DNAH2: variants seen among roughly 807,000 people sequenced by gnomAD.
DNAH2 encodes the protein dynein axonemal heavy chain 2.
DNAH2 carries 323 observed loss-of-function variants against 523.5 expected under a neutral mutation model. The observed-to-expected ratio is 0.62, with a 90% confidence interval of 0.56 to 0.68. The LOEUF (loss-of-function observed/expected upper bound fraction) is 0.68. Ranked by LOEUF, DNAH2 falls within the 30% of genes least tolerant of loss-of-function variation. The pLI is 0.00. For missense variants in DNAH2, 4,907 were observed against 5,701.5 expected (o/e 0.86, Z 4.49); for synonymous variants, 2,093 against 2,177.4 (o/e 0.96, Z 1.08).
rs767345556 is a variant in DNAH2, at chr17:7,833,388, C to A, written c.13139C>A (p.Ser4380Tyr). The A allele has an allele frequency of 6.2e-7, 1 of 1,614,118 alleles. No homozygotes were observed. Among genetic ancestry groups the A allele is most frequent in the Non-Finnish European group, 8.5e-7 (1 of 1,180,026 alleles). ...SRKKSAKGMY[S>Y]CPCYYYPNRA... ...CTCTCCTTTCCCCCAGGCATGTACT[C>A]CTGCCCCTGCTATTACTATCCCAAC... Residue 4380 changes from serine to tyrosine, a missense_variant, in exon 86 of 86, where the codon TCC becomes TAC. Around this residue, in one of 3 missense-constraint regions of DNAH2, gnomAD observed 1,851 missense variants for 2,139.4 expected, o/e 0.87. Transcript: ENST00000572933.
intron 70 of DNAH2, 45 bp downstream of exon 70, chr17:7,818,821 C>T: frequency 1.2e-6 from 2 of 1,612,160 alleles, no homozygotes; most frequent in Non-Finnish European, 8.5e-7. Context: ...GGTCTACTCC[C>T]AGCCAGCCTC....
At chr17:7,790,880 G>C (rs1470993406) in intron 44 of DNAH2, among the ~76,000 whole-genome samples, 1 of 151,766 alleles carries the variant, frequency 6.6e-6, no homozygotes, top group African/African-American at 2.4e-5. Flanking sequence ...CTTTGTTGTT[G>C]TTGTTGTTGT....
At chr17:7,750,626 G>A (rs1028449078) in intron 12 of DNAH2, among the ~76,000 whole-genome samples, 1 of 152,044 alleles carries the variant, frequency 6.6e-6, no homozygotes, top group Admixed American at 6.6e-5. Flanking sequence ...CTTTGGCTTT[G>A]GCCTCTCTCT....
At chr17:7,774,542 CAT>C in intron 28 of DNAH2, among the ~76,000 whole-genome samples, 1 of 152,256 alleles carries the variant, frequency 6.6e-6, no homozygotes, top group African/African-American at 2.4e-5. Flanking sequence ...TAAACGGTAA[CAT>C]GTACAATAGT....
In DNAH2 at chr17:7,818,077, C is replaced by A. The variant is rs749082899; in HGVS notation, c.10368C>A (p.Asn3456Lys). 2 of 1,612,496 alleles carry A rather than the reference C, an allele frequency of 1.2e-6. No individual in the cohort carries two copies. Among genetic ancestry groups the A allele is most frequent in the East Asian group, 2.2e-5 (1 of 44,904 alleles). ...YLDPTLNPML[N>K]KSVARIGGRL... ...ACCCCACACTGAACCCCATGCTCAACAAATCTGTAGCCCGAATCGGTCAGG... is the reference window on the plus strand; with the variant it reads ...ACCCCACACTGAACCCCATGCTCAAAAAATCTGTAGCCCGAATCGGTCAGG... The change falls in exon 68 of 86, where the codon AAC (asparagine) becomes AAA (lysine). Residue 3456 changes from asparagine (N) to lysine (K), a missense_variant. Asn to Lys is a moderately conservative substitution (Grantham distance 94, BLOSUM62 0). Coordinates refer to ENST00000572933, the MANE Select transcript of DNAH2 (RefSeq NM_020877.5).
In DNAH2 at chr17:7,734,581, G is replaced by A. The variant is rs1048460224; in HGVS notation, c.851G>A (p.Arg284Gln). The A allele has an allele frequency of 2.5e-6, 4 of 1,613,630 alleles. No homozygotes were observed. Among genetic ancestry groups the A allele is most frequent in the African/African-American group, 1.3e-5 (1 of 74,790 alleles). Residue 284 changes from arginine to glutamine, a missense_variant, in exon 7 of 86, where the codon CGA becomes CAA. By Grantham distance (43) the Arg-to-Gln change is conservative. Coordinates refer to ENST00000572933, the MANE Select transcript of DNAH2 (RefSeq NM_020877.5). ...GAGGAGATTGAGTTCTGGCGCAACC[G>A]ATGCATGGACCTGTCTGGCATCAGT... ...PLEEIEFWRN[R>Q]CMDLSGISKQ...
rs909197200 is a variant in DNAH2 at position 7,760,829 on chromosome 17, T to C, written c.2875T>C (p.Trp959Arg). The C allele has an allele frequency of 6.2e-7, 1 of 1,614,080 alleles. No homozygotes were observed. The highest frequency in any genetic ancestry group is 1.3e-5 in the African/African-American group (1 of 74,914). ...ASLLQNYLKT[W>R]DMYREIWEIN... Reference sequence around the variant, plus strand: ...CCTGCTGCAGAACTACCTCAAGACCTGGGACATGTACCGGGAGATCTGGGA... The same window carrying C: ...CCTGCTGCAGAACTACCTCAAGACCCGGGACATGTACCGGGAGATCTGGGA... Residue 959 changes from tryptophan to arginine, a missense_variant, in exon 18 of 86, where the codon TGG (tryptophan) becomes CGG (arginine). Trp to Arg is a moderately radical substitution (Grantham distance 101). This residue lies in a region of DNAH2 where 2,806 missense variants were observed against 3,190.8 expected (regional missense o/e 0.88). Coordinates refer to ENST00000572933, the MANE Select transcript of DNAH2 (RefSeq NM_020877.5). The surrounding 1 kb of genome is among the most constrained non-coding windows in gnomAD (Gnocchi z 4.0).
At chr17:7,734,015 C>T (rs145229323) in intron 5 of DNAH2, among the ~76,000 whole-genome samples, 168 bp from the exon 6 acceptor site, 1 of 152,242 alleles carries the variant, frequency 6.6e-6, no homozygotes, top group East Asian at 1.9e-4. Context: ...TTCCCTCTTG[C>T]CTTTGGTCAT....
chr17:7,786,980 G>A lies in DNAH2; in HGVS notation c.6550G>A (p.Asp2184Asn), dbSNP rs2076756019. ...CGAGAACATGAACTCCGTCATGGAC[G>A]ATAACAAGGTGTTGACCCTCATCAA... ...WIENMNSVMD[D>N]NKVLTLINGE... The change falls in exon 42 of 86, where the codon GAT (aspartate) becomes AAT (asparagine). Residue 2184 changes from aspartate (D) to asparagine (N), a missense_variant. Coordinates refer to ENST00000572933, the MANE Select transcript of DNAH2 (RefSeq NM_020877.5). This position sits in a 1 kb window ranked among gnomAD's most constrained non-coding sequence, Gnocchi z 7.5. The A allele has an allele frequency of 1.2e-6, 2 of 1,614,258 alleles. No homozygotes were observed. Among genetic ancestry groups the A allele is most frequent in the Non-Finnish European group, 1.7e-6 (2 of 1,180,058 alleles).
chr17:7,763,686 A>G, intron 18 of DNAH2, 145 bp from the exon 19 acceptor site: 1 of 881,868 alleles, frequency 1.1e-6, no homozygotes, highest in Non-Finnish European at 1.8e-6. Flanking sequence ...GCAGATTGGA[A>G]TGAGGGATGC....
At chr17:7,730,318 G>A (rs2074947558) in intron 4 of DNAH2, among the ~76,000 whole-genome samples, 1 of 152,176 alleles carries the variant, frequency 6.6e-6, no homozygotes, top group Non-Finnish European at 1.5e-5. Flanking sequence ...GGTAATCACC[G>A]TGTATGCAGA....
rs2077070662 is a variant in DNAH2 at position 7,796,636 on chromosome 17, T to C, written c.7847T>C (p.Leu2616Pro). The change falls in exon 50 of 86, where the codon CTT becomes CCT. Residue 2616 changes from leucine (L) to proline (P), a missense_variant. Around this residue, in one of 3 missense-constraint regions of DNAH2, gnomAD observed 250 missense variants for 371.3 expected, o/e 0.67. Coordinates refer to ENST00000572933, the MANE Select transcript of DNAH2 (RefSeq NM_020877.5). ...ACCAAGATGCATTACCTCTTCAACC[T>C]TCGAGACATCTCCAAGGTGACTCGC... ...TPTKMHYLFN[L>P]RDISKVFQGM... The C allele has an allele frequency of 6.2e-7, 1 of 1,611,906 alleles. No individual in the cohort carries two copies. Among genetic ancestry groups the C allele is most frequent in the Non-Finnish European group, 8.5e-7 (1 of 1,179,448 alleles).
Position 7,770,366 on chromosome 17 carries a change from G to C in DNAH2, c.4056G>C (p.Gly1352=), listed in dbSNP as rs1307233260. Residue 1352 remains glycine, a synonymous_variant, in exon 25 of 86, where the codon GGG becomes GGC. Coordinates refer to ENST00000572933, the MANE Select transcript of DNAH2 (RefSeq NM_020877.5). ...LGMDQHVEKI[G]EISASATKEL... is the part of the protein sequence containing the mutation. Reference sequence around the variant, plus strand: ...TGGATCAGCATGTGGAGAAAATTGGGGAGATCTCTGCTTCAGCAACTAAAG... The same window carrying C: ...TGGATCAGCATGTGGAGAAAATTGGCGAGATCTCTGCTTCAGCAACTAAAG... The C allele has an allele frequency of 1.2e-6, 2 of 1,613,876 alleles. No homozygotes were observed. Among genetic ancestry groups the C allele is most frequent in the Non-Finnish European group, 1.7e-6 (2 of 1,179,986 alleles).
chr17:7,763,384 G>A (rs926161134), intron 18 of DNAH2, among the ~76,000 whole-genome samples: 6 of 152,166 alleles, frequency 3.9e-5, no homozygotes, highest in Non-Finnish European at 5.9e-5. Context: ...CTGACCTCGT[G>A]ATCTGCCGGC....
At chr17:7,742,744 T>C (rs1364656338) in intron 11 of DNAH2, among the ~76,000 whole-genome samples, 184 bp from the exon 12 acceptor site, 2 of 152,290 alleles carry the variant, frequency 1.3e-5, no homozygotes, top group African/African-American at 2.4e-5. Flanking sequence ...GGTCTCTTCC[T>C]ATCACCTTCC....
In DNAH2 at chr17:7,741,303, T is replaced by TTCCTTCCC. The variant is rs1477805088; in HGVS notation, c.1689+314_1689+315insTTCCCTCC. Among the ~76,000 whole-genome samples, 92 of 76,878 alleles carry TTCCTTCCC rather than the reference T, an allele frequency of 1.2e-3. 3 individuals carry two copies. The highest frequency in any genetic ancestry group is 6.3e-3 in the Middle Eastern group (1 of 158). 50.4% of individuals were successfully genotyped at this position (76,878 alleles called of 152,430 possible). A position where few individuals can be genotyped will look rare whatever the true frequency, so the allele number is the denominator to read the frequency against. On this transcript the variant is annotated intron_variant, in intron 11 of 85. Coordinates refer to ENST00000572933, the MANE Select transcript of DNAH2 (RefSeq NM_020877.5). Reference sequence around the variant, plus strand: ...CTTTCTTTCTTTCTTTCTTCCTTCCTTCCCTCCCTCCCTCCCTCCCTCCTT... The same window carrying TTCCTTCCC: ...CTTTCTTTCTTTCTTTCTTCCTTCCTTCCTTCCCTCCCTCCCTCCCTCCCTCCCTCCTT...
chr17:7,817,269 A>C, intron 64 of DNAH2, 21 bp from the exon 65 acceptor site: 1 of 1,581,074 alleles, frequency 6.3e-7, no homozygotes, highest in South Asian at 1.2e-5. Context: ...AGGCAGGCTT[A>C]CCCTCCCTCC....
intron 42 of DNAH2, chr17:7,787,272 C>T (rs1384299856): frequency 1.1e-5 from 6 of 569,262 alleles, no homozygotes; most frequent in Non-Finnish European, 1.8e-5. Context: ...TAGGCTTGGG[C>T]GGCCCTCCTC....
rs770010639 is a variant in DNAH2, at chr17:7,796,659, C to T, written c.7863+7C>T. The T allele has an allele frequency of 3.7e-6, 6 of 1,608,218 alleles. No homozygotes were observed. Among genetic ancestry groups the T allele is most frequent in the South Asian group, 1.1e-5 (1 of 90,676 alleles). On this transcript the variant is annotated splice_region_variant and intron_variant, in intron 50 of 85. Coordinates refer to ENST00000572933, the MANE Select transcript of DNAH2 (RefSeq NM_020877.5). ...CCTTCGAGACATCTCCAAGGTGACT[C>T]GCGGCCTGACCTTGCCCCTTCTGCT...
Sources: allele counts gnomAD v4.1 joint callset (sites outside exome capture counted in the v4.1 genomes callset), GRCh38; gene constraint gnomAD v4.1.1; regional missense constraint gnomAD v4.1.1; non-coding constraint Gnocchi (gnomAD v3.1); transcripts MANE v1.5; gene names NCBI Gene and HGNC (gene_info 2026-07-23, HGNC 2026-07-21).